The following ASB18 variants were observed in gnomAD, a reference collection of about 807,000 sequenced individuals.
ASB18 encodes ankyrin repeat and SOCS box protein 18.
Under a neutral mutation model 33.4 loss-of-function variants are expected in ASB18, and 33 were observed. The observed-to-expected ratio is 0.99, with a 90% confidence interval of 0.75 to 1.32. The LOEUF is 1.32. ASB18 is among the 40% of genes most tolerant of loss of function. The pLI is 0.00. For synonymous variants in ASB18, 295 were observed against 307.6 expected, an observed-to-expected ratio of 0.96 and a Z score of 0.43; for missense variants, 694 against 655.5, an observed-to-expected ratio of 1.06 and a Z score of -0.64.
chr2:236,236,090 T>A (rs1576405670), intron 3 of ASB18, among the ~76,000 whole-genome samples: 1 of 152,216 alleles, frequency 6.6e-6, no homozygotes, highest in South Asian at 2.1e-4. Flanking sequence ...CAAATGTGCA[T>A]GATAACTTTG....
Position 236,223,911 on chromosome 2 carries a change from A to G in ASB18, c.597-9045T>C, listed in dbSNP as rs2060524381. Among the ~76,000 whole-genome samples, 1 of 152,178 alleles carries G rather than the reference A, an allele frequency of 6.6e-6. No homozygotes were observed. The highest frequency in any genetic ancestry group is 2.4e-5 in the African/African-American group (1 of 41,432). ...ATTGTATGGATATACCACAATTTTAAGCCATTTTCCCATTGATATTGATGG... is the reference window on the plus strand; with the variant it reads ...ATTGTATGGATATACCACAATTTTAGGCCATTTTCCCATTGATATTGATGG... On this transcript the variant is annotated intron_variant, in intron 3 of 5. Coordinates refer to ENST00000409749, the MANE Select transcript of ASB18 (RefSeq NM_212556.4). This position sits in a 1 kb window ranked among gnomAD's most constrained non-coding sequence, Gnocchi z 4.6.
In ASB18 at chr2:236,241,196, G is replaced by A. The variant is rs2060619318; in HGVS notation, c.328+84C>T. On this transcript the variant is annotated intron_variant, in intron 2 of 5. Coordinates refer to ENST00000409749, the MANE Select transcript of ASB18 (RefSeq NM_212556.4). This position sits in a 1 kb window ranked among gnomAD's most constrained non-coding sequence, Gnocchi z 4.2. Reference sequence around the variant, plus strand: ...GTTAAACCCAGTGCCACTGTGCCCAGTCTACACACGGGAGCCTTACACTCC... The same window carrying A: ...GTTAAACCCAGTGCCACTGTGCCCAATCTACACACGGGAGCCTTACACTCC... The A allele has an allele frequency of 7.3e-7, 1 of 1,379,144 alleles. No individual in the cohort carries two copies. The allele number at this position is 1,379,144 out of a possible 1,614,324, so 85.4% of individuals were successfully genotyped here. A position where few individuals can be genotyped will look rare whatever the true frequency, so the allele number is the denominator to read the frequency against.
intron 4 of ASB18, among the ~76,000 whole-genome samples, chr2:236,207,816 TGA>T (rs1412762099): frequency 4.8e-5 from 6 of 126,000 alleles, no homozygotes; most frequent in African/African-American, 1.6e-4. Context: ...ACTGCCTGGC[TGA>T]CTTTTTTTTT....
Position 236,231,806 on chromosome 2 carries a change from A to G in ASB18, c.596+5883T>C, listed in dbSNP as rs1429443146. On this transcript the variant is annotated intron_variant, in intron 3 of 5. Transcript: ENST00000409749. This position sits in a 1 kb window ranked among gnomAD's most constrained non-coding sequence, Gnocchi z 5.5. ...AAAAAGGTCAGTTCTTCAAAAGGAC[A>G]GAATAATGCTAAGCATTTATGTACC... Among the ~76,000 whole-genome samples, 1 of 152,264 alleles carries G rather than the reference A, an allele frequency of 6.6e-6. No individual in the cohort carries two copies. The highest frequency in any genetic ancestry group is 2.1e-4 in the South Asian group (1 of 4,834).
Position 236,260,201 on chromosome 2 carries a change from T to C in ASB18, c.205+3940A>G, listed in dbSNP as rs2060711654. ...AAACTCAGAGTTCTGTCTACTGGGCTTGTCCTTGGGATAGAAACCTCTTCC... is the reference window on the plus strand; with the variant it reads ...AAACTCAGAGTTCTGTCTACTGGGCCTGTCCTTGGGATAGAAACCTCTTCC... On this transcript the variant is annotated intron_variant, in intron 1 of 5. Transcript: ENST00000409749. The surrounding 1 kb of genome is among the most constrained non-coding windows in gnomAD (Gnocchi z 5.1). 6.6e-6 allele frequency among the ~76,000 whole-genome samples: 1 copy of C among 152,098 alleles called. No individual in the cohort carries two copies.
rs1307453877 is a variant in ASB18, at chr2:236,215,018, TG to T, written c.597-153del. 9.9e-5 allele frequency among the ~76,000 whole-genome samples: 8 copies of T among 80,780 alleles called. No homozygotes were observed. The highest frequency in any genetic ancestry group is 7.7e-4 in the Admixed American group (6 of 7,802). 53.0% of individuals were successfully genotyped at this position (80,780 alleles called of 152,430 possible). On this transcript the variant is annotated intron_variant, in intron 3 of 5. Transcript: ENST00000409749. The surrounding 1 kb of genome is among the most constrained non-coding windows in gnomAD (Gnocchi z 7.2). ...AAGGCGTCAGGAGTTCAAACTAAAC[TG>T]GAAAAAAAAAAAAAAAAAAAGAGAT...
At position 236,208,875 on chromosome 2, in the gene ASB18, T is replaced by C. The variant is rs1189366248; in HGVS notation, c.1101+5487A>G. Among the ~76,000 whole-genome samples, 1 of 152,158 alleles carries C rather than the reference T, an allele frequency of 6.6e-6. No homozygotes were observed. Among genetic ancestry groups the C allele is most frequent in the Non-Finnish European group, 1.5e-5 (1 of 68,032 alleles). ...TACTCTGACATGCTGATGTCATTAG[T>C]GTCCACGCACACCACACTCTCTTCA... On this transcript the variant is annotated intron_variant, in intron 4 of 5. Transcript: ENST00000409749. This position sits in a 1 kb window ranked among gnomAD's most constrained non-coding sequence, Gnocchi z 7.7.
rs531413782 is a variant in ASB18, at chr2:236,253,704, T to TA, written c.205+10436dup. 1.8e-4 allele frequency: 28 copies of TA among 152,222 alleles called. No individual in the cohort carries two copies. The highest frequency in any genetic ancestry group is 6.5e-4 in the African/African-American group (27 of 41,530). The allele number at this position is 152,222 out of a possible 1,614,324, so 9.4% of individuals were successfully genotyped here. ...CACCTGGTCTGATTCTCTTTCAAAA[T>TA]ACAATGAAATTAGTTACCGGCAAAA... On this transcript the variant is annotated intron_variant, in intron 1 of 5. Coordinates refer to ENST00000409749, the MANE Select transcript of ASB18 (RefSeq NM_212556.4). The surrounding 1 kb of genome is among the most constrained non-coding windows in gnomAD (Gnocchi z 5.4).
rs2060518076 is a variant in ASB18 at position 236,222,697 on chromosome 2, A to G, written c.597-7831T>C. On this transcript the variant is annotated intron_variant, in intron 3 of 5. Transcript: ENST00000409749. This position sits in a 1 kb window ranked among gnomAD's most constrained non-coding sequence, Gnocchi z 5.5. The stretch of plus-strand genomic sequence containing the variant: ...ATCCCCTTGGTGCTTTCCTCACGAT[A>G]GCGAGTTCATGGGTGATCTGGCTGT... 6.6e-6 allele frequency among the ~76,000 whole-genome samples: 1 copy of G among 152,134 alleles called. No homozygotes were observed. The highest frequency in any genetic ancestry group is 1.5e-5 in the Non-Finnish European group (1 of 68,032).
At position 236,222,983 on chromosome 2, in the gene ASB18, G is replaced by C. The variant is rs773608912; in HGVS notation, c.597-8117C>G. Among the ~76,000 whole-genome samples the C allele has an allele frequency of 6.6e-6, 1 of 152,160 alleles. No homozygotes were observed. The highest frequency in any genetic ancestry group is 2.4e-5 in the African/African-American group (1 of 41,436). On this transcript the variant is annotated intron_variant, in intron 3 of 5. Transcript: ENST00000409749. This position sits in a 1 kb window ranked among gnomAD's most constrained non-coding sequence, Gnocchi z 5.5. ...TGCAGTGAGCTGAGATGGTGCCACA[G>C]CACTCCAGCCTGGGTGACAGAGCGA...
intron 4 of ASB18, among the ~76,000 whole-genome samples, chr2:236,212,435 C>G (rs1468489285): frequency 6.6e-6 from 1 of 152,118 alleles, no homozygotes; most frequent in African/African-American, 2.4e-5. Flanking sequence ...AAAGCCTGGT[C>G]AGAGATCACT....
At chr2:236,243,113 G>A (rs527884566) in intron 1 of ASB18, among the ~76,000 whole-genome samples, 146 of 149,258 alleles carry the variant, frequency 9.8e-4, no homozygotes, top group African/African-American at 3.2e-3. Context: ...GGTGGATCAC[G>A]AGGTCAGGAG....
rs971683776 is a variant in ASB18 at position 236,231,634 on chromosome 2, C to T, written c.596+6055G>A. The stretch of plus-strand genomic sequence containing the variant: ...ATCATCACCCCTGGCTAAGCGTTCT[C>T]GCTATGTTGCTCAGGCTGGTCTCAA... On this transcript the variant is annotated intron_variant, in intron 3 of 5. Transcript: ENST00000409749. The surrounding 1 kb of genome is among the most constrained non-coding windows in gnomAD (Gnocchi z 5.5). Among the ~76,000 whole-genome samples the T allele has an allele frequency of 5.9e-5, 9 of 152,176 alleles. No individual in the cohort carries two copies. Among genetic ancestry groups the T allele is most frequent in the South Asian group, 2.1e-4 (1 of 4,828 alleles).
rs34385265 is a variant in ASB18, at chr2:236,232,261, C to CAA, written c.596+5426_596+5427dup. Reference sequence around the variant, plus strand: ...ACATACTTCTATATAACCCATGACTCAAAAAAAAAAAAAGAAAATTAGAAA... The same window carrying CAA: ...ACATACTTCTATATAACCCATGACTCAAAAAAAAAAAAAAAGAAAATTAGAAA... On this transcript the variant is annotated intron_variant, in intron 3 of 5. Coordinates refer to ENST00000409749, the MANE Select transcript of ASB18 (RefSeq NM_212556.4). Among the ~76,000 whole-genome samples the CAA allele has an allele frequency of 6.0e-3, 878 of 146,946 alleles. 2 individuals are homozygous for CAA. Among genetic ancestry groups the CAA allele is most frequent in the Non-Finnish European group, 8.9e-3 (592 of 66,582 alleles).
chr2:236,243,980 C>T (rs1232169068), intron 1 of ASB18, among the ~76,000 whole-genome samples: 2 of 152,098 alleles, frequency 1.3e-5, no homozygotes, highest in African/African-American at 4.8e-5. Context: ...GTTCTTGCGA[C>T]CAAACCCAGC....
Position 236,196,935 on chromosome 2 carries a change from T to G in ASB18, c.1102-550A>C, listed in dbSNP as rs1027172889. On this transcript the variant is annotated intron_variant, in intron 4 of 5. Transcript: ENST00000409749. The surrounding 1 kb of genome is among the most constrained non-coding windows in gnomAD (Gnocchi z 5.6). ...TATTGCCTTATTCACAAATTTATAATTCAAGTCCATTAGCTTCACCATAAA... is the reference window on the plus strand; with the variant it reads ...TATTGCCTTATTCACAAATTTATAAGTCAAGTCCATTAGCTTCACCATAAA... 4.6e-5 allele frequency among the ~76,000 whole-genome samples: 7 copies of G among 152,210 alleles called. No homozygotes were observed. Among genetic ancestry groups the G allele is most frequent in the African/African-American group, 1.7e-4 (7 of 41,462 alleles).
Position 236,264,137 on chromosome 2 carries a change from T to A in ASB18, c.205+4A>T. Reference sequence around the variant, plus strand: ...CCCAGATGCAGCAGGCTCGTTCTGGTTACCTAGCAGCATGCCGGTGGGCAG... The same window carrying A: ...CCCAGATGCAGCAGGCTCGTTCTGGATACCTAGCAGCATGCCGGTGGGCAG... On this transcript the variant is annotated splice_donor_region_variant and intron_variant, in intron 1 of 5. Coordinates refer to ENST00000409749, the MANE Select transcript of ASB18 (RefSeq NM_212556.4). This position sits in a 1 kb window ranked among gnomAD's most constrained non-coding sequence, Gnocchi z 5.1. The A allele has an allele frequency of 6.2e-7, 1 of 1,613,492 alleles. No individual in the cohort carries two copies.
chr2:236,264,222 G>A lies in ASB18; in HGVS notation c.124C>T (p.Pro42Ser). ...GCCAGTTCTATCACAGCGTCCACAG[G>A]CGTGATTTCAGTGCAGATTAAATCC... ...VRDLICTEIT[P>S]VDAVIELAND... The change falls in exon 1 of 6, where the codon CCT becomes TCT. Residue 42 changes from proline to serine, a missense_variant. By Grantham distance (74) the Pro-to-Ser change is moderately conservative. Transcript: ENST00000409749. This position sits in a 1 kb window ranked among gnomAD's most constrained non-coding sequence, Gnocchi z 5.1. 6.2e-7 allele frequency: 1 copy of A among 1,613,934 alleles called. No homozygotes were observed. Among genetic ancestry groups the A allele is most frequent in the Middle Eastern group, 1.6e-4 (1 of 6,062 alleles).
In ASB18 at chr2:236,194,017, G is replaced by A. The variant is rs1355939446; in HGVS notation, c.*855C>T. 6.6e-6 allele frequency among the ~76,000 whole-genome samples: 1 copy of A among 152,142 alleles called. No individual in the cohort carries two copies. ...TTCCTGCCCTGCACACTGAGTTGCT[G>A]GGGTGGACTCTGGCCACGCACGACC... On this transcript the variant is annotated 3_prime_UTR_variant, in exon 6 of 6. Coordinates refer to ENST00000409749, the MANE Select transcript of ASB18 (RefSeq NM_212556.4). The surrounding 1 kb of genome is among the most constrained non-coding windows in gnomAD (Gnocchi z 4.5).
Sources: gnomAD v4.1 joint callset for allele counts (sites outside exome capture counted in the v4.1 genomes callset) on GRCh38, gnomAD v4.1.1 for gene constraint, Gnocchi (gnomAD v3.1) non-coding constraint, MANE v1.5 for transcripts, NCBI Gene and HGNC (gene_info 2026-07-23, HGNC 2026-07-21) for gene names.